Variants in NBN observed in about 807,000 individuals in gnomAD.
NBN encodes the protein Nijmegen breakage syndrome 1 (nibrin).
Under a neutral mutation model 90.8 loss-of-function variants are expected in NBN, and 88 were observed. The observed-to-expected ratio is 0.97, with a 90% CI of 0.82 to 1.16. The LOEUF is 1.16. NBN is among the 50% of genes most tolerant of loss of function. NBN has a pLI of 0.00. For synonymous variants in NBN, 328 were observed against 295.1 expected (o/e 1.11, Z -1.14); for missense variants, 894 against 869.6 (o/e 1.03, Z -0.35).
intron 8 of NBN, among the ~76,000 whole-genome samples, chr8:89,961,224 G>A (rs1810978380): frequency 6.6e-6 from 1 of 152,186 alleles, no homozygotes; most frequent in South Asian, 2.1e-4. Context: ...AATTTCAACA[G>A]TGGGTGACAA....
intron 14 of NBN, among the ~76,000 whole-genome samples, chr8:89,942,296 C>T (rs915319367): frequency 1.3e-5 from 2 of 152,226 alleles, no homozygotes; most frequent in African/African-American, 4.8e-5. Context: ...TTAATACATA[C>T]TAACTGTCTG....
intron 4 of NBN, among the ~76,000 whole-genome samples, chr8:89,980,408 T>G (rs1563577862): frequency 6.6e-6 from 1 of 151,748 alleles, no homozygotes; most frequent in Non-Finnish European, 1.5e-5. Flanking sequence ...GCAGTTAATC[T>G]CTAGTTGCGT....
intron 7 of NBN, among the ~76,000 whole-genome samples, chr8:89,966,136 A>G (rs1446149299): frequency 6.6e-6 from 1 of 152,224 alleles, no homozygotes; most frequent in Admixed American, 6.5e-5. Flanking sequence ...GGAAGCATTT[A>G]TTTTAAAGTC....
At position 89,971,461 on chromosome 8, in the gene NBN, C is replaced by T. The variant is rs536334664; in HGVS notation, c.585-171G>A. The T allele has an allele frequency of 2.5e-4, 103 of 418,128 alleles. No individual in the cohort carries two copies. In the South Asian group the frequency reaches 8.2e-3, roughly 33 times the overall value. The allele number at this position is 418,128 out of a possible 1,614,324, so 25.9% of individuals were successfully genotyped here. On this transcript the variant is annotated intron_variant, in intron 5 of 15. Coordinates refer to ENST00000265433, the MANE Select transcript of NBN (RefSeq NM_002485.5). ...CAAAATGACAAAAAGCATCTAATCG[C>T]GTTTTCTAGAAATATGGTGGCAGGT...
chr8:89,975,410 T>C (rs868205914), intron 5 of NBN, among the ~76,000 whole-genome samples: 14 of 152,352 alleles, frequency 9.2e-5, no homozygotes, highest in Middle Eastern at 3.4e-3. Context: ...TGTTTATAAA[T>C]TGAATCTTTT....
intron 6 of NBN, 148 bp from the exon 7 acceptor site, chr8:89,970,705 T>G (rs1177402205): frequency 1.3e-6 from 1 of 772,604 alleles, no homozygotes; most frequent in African/African-American, 1.7e-5. Context: ...TTTGAGAAAG[T>G]CCCTAGTTCA....
Position 89,955,446 on chromosome 8 carries a change from T to C in NBN, c.1234A>G (p.Asn412Asp). 2 of 1,613,876 alleles carry C rather than the reference T, an allele frequency of 1.2e-6. No homozygotes were observed. The highest frequency in any genetic ancestry group is 1.7e-6 in the Non-Finnish European group (2 of 1,179,832). Residue 412 changes from asparagine to aspartate, a missense_variant, in exon 10 of 16, where the codon AAT (asparagine) becomes GAT (aspartate). Asn to Asp is a conservative substitution (Grantham distance 23). Transcript: ENST00000265433. ...GTATTTGATACCATACTATTATTAT[T>C]AGAGCTTGTTTTGCAGGACTCCTTT... ...TVKESCKTSS[N>D]NNSMVSNTLA... is the part of the protein sequence containing the mutation.
intron 14 of NBN, among the ~76,000 whole-genome samples, chr8:89,939,185 G>T (rs1809823075): frequency 6.6e-6 from 1 of 152,114 alleles, no homozygotes; most frequent in Admixed American, 6.6e-5. Context: ...TGGGTCTGCA[G>T]CAGAGGTAGA....
In NBN at chr8:89,970,301, A is replaced by C. The variant is rs1280981967; in HGVS notation, c.896+63T>G. The C allele has an allele frequency of 2.1e-5, 29 of 1,402,188 alleles. 1 individual carries two copies. The highest frequency in any genetic ancestry group is 2.9e-5 in the Non-Finnish European group (29 of 1,001,468). The allele number at this position is 1,402,188 out of a possible 1,614,324, so 86.9% of individuals were successfully genotyped here. A position where few individuals can be genotyped will look rare whatever the true frequency, so the allele number is the denominator to read the frequency against. ...TTTACATTGTTAGGTGAAAAGCAAC[A>C]AAAAAGGTTAAACATAAAATCTCCT... On this transcript the variant is annotated intron_variant, in intron 7 of 15. Coordinates refer to ENST00000265433, the MANE Select transcript of NBN (RefSeq NM_002485.5).
At chr8:89,969,417 G>A (rs1811399291) in intron 7 of NBN, among the ~76,000 whole-genome samples, 1 of 152,062 alleles carries the variant, frequency 6.6e-6, no homozygotes, top group East Asian at 1.9e-4. Context: ...ACATTTCAAC[G>A]CTAGGCAATT....
At chr8:89,977,134 T>C (rs571695182) in intron 5 of NBN, among the ~76,000 whole-genome samples, 2 of 152,240 alleles carry the variant, frequency 1.3e-5, no homozygotes, top group South Asian at 2.1e-4. Context: ...CCATGTGCCA[T>C]GGTGGTCTGC....
At position 89,946,289 on chromosome 8, in the gene NBN, C is replaced by A; in HGVS notation, c.1921G>T (p.Asp641Tyr). Residue 641 changes from aspartate (D) to tyrosine (Y), a missense_variant, in exon 13 of 16, where the codon GAC becomes TAC. Asp to Tyr is a radical substitution (Grantham distance 160). Coordinates refer to ENST00000265433, the MANE Select transcript of NBN (RefSeq NM_002485.5). ...LWSAKEISNN[D>Y]KLQDDSEMLP... Reference sequence around the variant, plus strand: ...ATCTCACTATCATCCTGAAGTTTGTCATTGTTCTTAAATGGGGTTAAGATG... The same window carrying A: ...ATCTCACTATCATCCTGAAGTTTGTAATTGTTCTTAAATGGGGTTAAGATG... The A allele has an allele frequency of 6.3e-7, 1 of 1,581,626 alleles. No homozygotes were observed. Among genetic ancestry groups the A allele is most frequent in the South Asian group, 1.1e-5 (1 of 90,270 alleles).
Position 89,935,406 on chromosome 8 carries a change from C to A in NBN, c.*176G>T. The A allele has an allele frequency of 4.3e-6, 3 of 693,430 alleles. No homozygotes were observed. Among genetic ancestry groups the A allele is most frequent in the Non-Finnish European group, 7.1e-6 (3 of 422,116 alleles). 43.0% of individuals were successfully genotyped at this position (693,430 alleles called of 1,614,324 possible). A position where few individuals can be genotyped will look rare whatever the true frequency, so the allele number is the denominator to read the frequency against. On this transcript the variant is annotated 3_prime_UTR_variant, in exon 16 of 16. Coordinates refer to ENST00000265433, the MANE Select transcript of NBN (RefSeq NM_002485.5). The stretch of plus-strand genomic sequence containing the variant: ...GCAATGACAAAGCCTGAAAACAGAA[C>A]AAACAATTGTTACATACAAAAGAAT...
At position 89,980,844 on chromosome 8, in the gene NBN, C is replaced by T. The variant is rs1064794806; in HGVS notation, c.370G>A (p.Gly124Arg). Residue 124 changes from glycine (G) to arginine (R), a missense_variant, in exon 4 of 16, where the codon GGG becomes AGG. By Grantham distance (125) the Gly-to-Arg change is moderately radical (BLOSUM62 -2). Transcript: ENST00000265433. ...ATAGCTTGATTTAAAGCAGTTTTCC[C>T]AGAGACATCTAAACAAGAAGAGCAT... ...VACSSCLDVS[G>R]KTALNQAILQ... 3 of 1,612,272 alleles carry T rather than the reference C, an allele frequency of 1.9e-6. No individual in the cohort carries two copies. The African/African-American group carries it at 4.0e-5, about 22-fold the overall frequency.
intron 14 of NBN, 171 bp from the exon 15 acceptor site, chr8:89,937,246 T>C (rs141963350): frequency 1.6e-6 from 1 of 636,000 alleles, no homozygotes; most frequent in African/African-American, 1.8e-5. Context: ...ATATTTTCAA[T>C]CCATGCTAAG....
At chr8:89,954,253 T>C (rs981039826) in intron 10 of NBN, among the ~76,000 whole-genome samples, 1 of 152,128 alleles carries the variant, frequency 6.6e-6, no homozygotes, top group African/African-American at 2.4e-5. Context: ...ACTAAGCCCA[T>C]AGAGGACACA....
At chr8:89,967,391 A>G (rs1811305976) in intron 7 of NBN, among the ~76,000 whole-genome samples, 1 of 152,228 alleles carries the variant, frequency 6.6e-6, no homozygotes, top group Non-Finnish European at 1.5e-5. Context: ...GCTAGGGGTA[A>G]CCACGTAAGT....
At chr8:89,949,529 A>G in intron 11 of NBN, among the ~76,000 whole-genome samples, 1 of 152,208 alleles carries the variant, frequency 6.6e-6, no homozygotes, top group Admixed American at 6.5e-5. Context: ...TGCATTTTAT[A>G]GAGACTGGGA....
At chr8:89,969,637 T>G (rs1445798785) in intron 7 of NBN, among the ~76,000 whole-genome samples, 1 of 152,210 alleles carries the variant, frequency 6.6e-6, no homozygotes, top group Non-Finnish European at 1.5e-5. Flanking sequence ...TCAAGTATAC[T>G]ACACTATAAA....
Sources: gnomAD v4.1 joint callset for allele counts (sites outside exome capture counted in the v4.1 genomes callset) on GRCh38, gnomAD v4.1.1 for gene constraint, MANE v1.5 for transcripts, NCBI Gene and HGNC (gene_info 2026-07-23, HGNC 2026-07-21) for gene names.